Variants in CGNL1 observed in about 807,000 individuals in gnomAD.
CGNL1 encodes the protein cingulin-like protein 1.
In CGNL1, 132 loss-of-function variants were observed where a neutral mutation model predicts 141.2. That is an observed-to-expected ratio of 0.93 (90% CI 0.81 to 1.08). CGNL1 has a LOEUF of 1.08. CGNL1 is among the 50% of genes least tolerant of loss of function. The probability of loss-of-function intolerance (pLI) is 0.00; values close to 1 mark genes in which losing one functional copy is unlikely to be tolerated. For synonymous variants in CGNL1, 690 were observed against 622.1 expected, an observed-to-expected ratio of 1.11 and a Z score of -1.63; for missense variants, 1,870 against 1,588.6, an observed-to-expected ratio of 1.18 and a Z score of -3.01.
chr15:57,549,452 G>A lies in CGNL1; in HGVS notation c.*1962G>A. The A allele has an allele frequency of 6.6e-6, 1 of 152,386 alleles. No homozygotes were observed. Among genetic ancestry groups the A allele is most frequent in the Non-Finnish European group, 1.5e-5 (1 of 68,112 alleles). 9.4% of individuals were successfully genotyped at this position (152,386 alleles called of 1,614,324 possible). ...CACCCGGCAGGTTTCAGAGTGGTCAGCCCAGTTTAAGGGTGGGAGTCTGGA... is the reference window on the plus strand; with the variant it reads ...CACCCGGCAGGTTTCAGAGTGGTCAACCCAGTTTAAGGGTGGGAGTCTGGA... On this transcript the variant is annotated 3_prime_UTR_variant, in exon 19 of 19. Coordinates refer to ENST00000281282, the MANE Select transcript of CGNL1 (RefSeq NM_032866.5).
chr15:57,463,580 C>G (rs2063472753), intron 8 of CGNL1, among the ~76,000 whole-genome samples: 1 of 152,224 alleles, frequency 6.6e-6, no homozygotes, highest in African/African-American at 2.4e-5. Flanking sequence ...TGTGGGCCAG[C>G]AAGGGCTGTT....
chr15:57,436,913 T>G (rs1162407195), intron 1 of CGNL1, among the ~76,000 whole-genome samples: 1 of 152,152 alleles, frequency 6.6e-6, no homozygotes, highest in African/African-American at 2.4e-5. Flanking sequence ...TTGGATGGAA[T>G]AGATGATTTT....
rs1239283871 is a variant in CGNL1, at chr15:57,405,787, TTTCTTTCTTTCTTTCTTTCTTTCC to T, written c.-16+29239_-16+29262del. ...TTCTTTCTTTCTCTTTCTTTCTTTC[TTTCTTTCTTTCTTTCTTTCTTTCC>T]TTCTTTCTTTCTTTCTTTTTCTTTC... On this transcript the variant is annotated intron_variant, in intron 1 of 18. Transcript: ENST00000281282. 7.3e-5 allele frequency among the ~76,000 whole-genome samples: 9 copies of T among 123,018 alleles called. No individual in the cohort carries two copies. The East Asian group carries it at 1.7e-3, about 23-fold the overall frequency. The allele number at this position is 123,018 out of a possible 152,430, so 80.7% of individuals were successfully genotyped here.
At chr15:57,450,950 C>T (rs1486910480) in intron 4 of CGNL1, among the ~76,000 whole-genome samples, 2 of 152,090 alleles carry the variant, frequency 1.3e-5, no homozygotes, top group Non-Finnish European at 2.9e-5. Context: ...TTCATAATCT[C>T]CTGATGTAGT....
At position 57,516,961 on chromosome 15, in the gene CGNL1, C is replaced by T. The variant is rs149796026; in HGVS notation, c.2585C>T (p.Ala862Val). Residue 862 changes from alanine to valine, a missense_variant, in exon 9 of 19, where the codon GCG becomes GTG. Physicochemically the swap from Ala to Val is moderately conservative, Grantham distance 64. Coordinates refer to ENST00000281282, the MANE Select transcript of CGNL1 (RefSeq NM_032866.5). ...GACCTGAAAGGCGATGAAGCCAAGGCGAAGGAAACGCTGAAGAAGTACGAG... is the reference window on the plus strand; with the variant it reads ...GACCTGAAAGGCGATGAAGCCAAGGTGAAGGAAACGCTGAAGAAGTACGAG... The part of the protein sequence containing the change: ...IEDLKGDEAK[A>V]KETLKKYEGE... 156 of 1,613,246 alleles carry T rather than the reference C, an allele frequency of 9.7e-5. No homozygotes were observed. Among genetic ancestry groups the T allele is most frequent in the Middle Eastern group, 6.8e-4 (4 of 5,904 alleles).
At chr15:57,394,105 G>GTTTTTTT (rs1491022136) in intron 1 of CGNL1, 3 of 28,660 alleles carry the variant, frequency 1.0e-4, no homozygotes, top group Non-Finnish European at 1.6e-4. Context: ...ATTTCTGTTT[G>GTTTTTTT]TTTTTTTTTT....
chr15:57,529,556 A>T (rs2031826821), intron 13 of CGNL1, among the ~76,000 whole-genome samples: 1 of 123,750 alleles, frequency 8.1e-6, no homozygotes, highest in South Asian at 2.9e-4. Context: ...ACTAACCCCC[A>T]GAAACACACA....
intron 8 of CGNL1, among the ~76,000 whole-genome samples, chr15:57,491,857 C>T (rs1325555622): frequency 6.8e-6 from 1 of 146,626 alleles, no homozygotes; most frequent in Non-Finnish European, 1.5e-5. Flanking sequence ...GACCAACTCC[C>T]CTCCTCCTCC....
At chr15:57,482,367 A>G (rs2152363511) in intron 8 of CGNL1, among the ~76,000 whole-genome samples, 1 of 152,316 alleles carries the variant, frequency 6.6e-6, no homozygotes, top group South Asian at 2.1e-4. Flanking sequence ...TTCCTACCTT[A>G]GATCCCAGAG....
At chr15:57,409,289 C>T (rs1215540739) in intron 1 of CGNL1, among the ~76,000 whole-genome samples, 5 of 152,144 alleles carry the variant, frequency 3.3e-5, no homozygotes, top group East Asian at 1.9e-4. Flanking sequence ...GCAGAGCCTG[C>T]GCAGGGGAGG....
At chr15:57,418,707 G>A (rs2062878297) in intron 1 of CGNL1, among the ~76,000 whole-genome samples, 1 of 152,312 alleles carries the variant, frequency 6.6e-6, no homozygotes, top group Admixed American at 6.5e-5. Context: ...GTGATGTGAT[G>A]CTGTGTGTTC....
At chr15:57,427,354 T>G (rs2062987154) in intron 1 of CGNL1, among the ~76,000 whole-genome samples, 2 of 152,218 alleles carry the variant, frequency 1.3e-5, no homozygotes, top group Admixed American at 6.5e-5. Context: ...CAGAGTAGGT[T>G]TCTGTGGACA....
At chr15:57,401,187 T>TA (rs1218445011) in intron 1 of CGNL1, among the ~76,000 whole-genome samples, 1 of 152,168 alleles carries the variant, frequency 6.6e-6, no homozygotes. Flanking sequence ...TTCCTTGGTA[T>TA]AGATATATCG....
chr15:57,533,856 G>A (rs565524668), intron 14 of CGNL1, among the ~76,000 whole-genome samples: 1 of 152,238 alleles, frequency 6.6e-6, no homozygotes, highest in Non-Finnish European at 1.5e-5. Flanking sequence ...TAGGGGGGAA[G>A]TTAAGGGAAC....
intron 8 of CGNL1, among the ~76,000 whole-genome samples, chr15:57,482,791 T>C (rs943379877): frequency 8.0e-5 from 12 of 149,166 alleles, no homozygotes; most frequent in Non-Finnish European, 1.6e-4. Context: ...TTTTCTCTCT[T>C]TTTTTTTTTT....
intron 1 of CGNL1, among the ~76,000 whole-genome samples, chr15:57,405,796 TTC>T (rs1312275856): frequency 7.8e-6 from 1 of 127,954 alleles, no homozygotes; most frequent in African/African-American, 3.3e-5. Context: ...CTTTCTTTCT[TTC>T]TTTCTTTCTT....
chr15:57,511,419 A>G (rs1056058553), intron 8 of CGNL1, among the ~76,000 whole-genome samples: 5 of 152,190 alleles, frequency 3.3e-5, no homozygotes, highest in African/African-American at 9.7e-5. Context: ...ATCTTTTGCT[A>G]TTAAGGTACT....
chr15:57,469,295 T>G (rs1481191570), intron 8 of CGNL1, among the ~76,000 whole-genome samples: 1 of 151,500 alleles, frequency 6.6e-6, no homozygotes, highest in African/African-American at 2.4e-5. Context: ...ATGGAAAGGC[T>G]AATGAGTTCA....
At chr15:57,381,283 T>A (rs1415511067) in intron 1 of CGNL1, among the ~76,000 whole-genome samples, 5 of 152,046 alleles carry the variant, frequency 3.3e-5, no homozygotes, top group Non-Finnish European at 5.9e-5. Flanking sequence ...TAGTTGACAG[T>A]GGCAAAGTTC....
Sources: allele counts gnomAD v4.1 joint callset (sites outside exome capture counted in the v4.1 genomes callset), GRCh38; gene constraint gnomAD v4.1.1; transcripts MANE v1.5; gene names NCBI Gene and HGNC (gene_info 2026-07-23, HGNC 2026-07-21).